Variants in ATP6V1C2 observed in about 807,000 individuals in gnomAD.
ATP6V1C2 encodes the protein V-type proton ATPase subunit C 2.
Under a neutral mutation model 56.8 loss-of-function variants are expected in ATP6V1C2, and 45 were observed. The ratio of observed to expected loss-of-function variants is 0.79; its 90% CI spans 0.62 to 1.02. ATP6V1C2 has a LOEUF of 1.02. Among genes scored for constraint, ATP6V1C2 ranks in the 50% least tolerant of loss-of-function variants. The pLI is 0.00. For missense variants in ATP6V1C2, 463 were observed against 519.7 expected (o/e 0.89, Z 1.06); for synonymous variants, 220 against 201.3 (o/e 1.09, Z -0.79).
intron 3 of ATP6V1C2, among the ~76,000 whole-genome samples, chr2:10,747,381 A>C (rs1662978235): frequency 6.6e-6 from 1 of 152,180 alleles, no homozygotes; most frequent in Non-Finnish European, 1.5e-5. Context: ...TCTCTTTCTG[A>C]ACTCTGAACT....
chr2:10,782,864 T>A (rs999884589), intron 13 of ATP6V1C2, among the ~76,000 whole-genome samples: 2 of 108,368 alleles, frequency 1.8e-5, no homozygotes, highest in East Asian at 6.2e-4. Context: ...AAAAAAAAAA[T>A]TTGCCAGGAG....
Position 10,784,457 on chromosome 2 carries a change from C to G in ATP6V1C2, c.*1194C>G. The G allele has an allele frequency of 1.6e-6, 1 of 636,216 alleles. No individual in the cohort carries two copies. The highest frequency in any genetic ancestry group is 2.7e-6 in the Non-Finnish European group (1 of 373,950). The allele number at this position is 636,216 out of a possible 1,614,324, so 39.4% of individuals were successfully genotyped here. ...AATCCAGGTTCTCCTCAGTCTGACT[C>G]CTACCCTGACCTTCGTACCTATGAT... On this transcript the variant is annotated 3_prime_UTR_variant, in exon 14 of 14. Coordinates refer to ENST00000272238, the MANE Select transcript of ATP6V1C2 (RefSeq NM_001039362.2).
chr2:10,745,498 A>G (rs115457808), intron 3 of ATP6V1C2, among the ~76,000 whole-genome samples: 3,979 of 147,454 alleles, frequency 0.027, 175 homozygotes, highest in African/African-American at 0.093. Flanking sequence ...GGGACTACAC[A>G]CCCTGGTAAT....
intron 10 of ATP6V1C2, among the ~76,000 whole-genome samples, chr2:10,776,371 G>A (rs540055837): frequency 1.2e-4 from 18 of 152,244 alleles, no homozygotes; most frequent in Non-Finnish European, 1.6e-4. Flanking sequence ...GCTGGGCTCC[G>A]GCTGAGCCTG....
rs777821433 is a variant in ATP6V1C2, at chr2:10,782,308, G to A, written c.1127G>A (p.Arg376His). 1.2e-5 allele frequency: 20 copies of A among 1,614,222 alleles called. 1 individual carries two copies. The highest frequency in any genetic ancestry group is 4.4e-5 in the South Asian group (4 of 91,088). The part of the protein sequence containing the change: ...LQPHKKSSTK[R>H]LREVLNSVFR... ...CCGCATAAGAAGTCATCCACCAAGC[G>A]TTTAAGAGAGGTTCTAAACTCTGTC... Residue 376 changes from arginine to histidine, a missense_variant, in exon 13 of 14, where the codon CGT (arginine) becomes CAT (histidine). Coordinates refer to ENST00000272238, the MANE Select transcript of ATP6V1C2 (RefSeq NM_001039362.2).
intron 2 of ATP6V1C2, among the ~76,000 whole-genome samples, chr2:10,726,058 C>A (rs926048624): frequency 6.6e-5 from 10 of 152,182 alleles, no homozygotes; most frequent in African/African-American, 2.4e-4. Flanking sequence ...CCAGCCTGGG[C>A]AACAAGAGCG....
intron 8 of ATP6V1C2, among the ~76,000 whole-genome samples, chr2:10,773,669 C>T (rs561285259): frequency 6.6e-6 from 1 of 152,302 alleles, no homozygotes; most frequent in South Asian, 2.1e-4. Context: ...ACGTGTGAGC[C>T]ACCACACCCA....
rs376503969 is a variant in ATP6V1C2 at position 10,782,305 on chromosome 2, A to G, written c.1124A>G (p.Lys375Arg). 66 of 1,614,102 alleles carry G rather than the reference A, an allele frequency of 4.1e-5. No homozygotes were observed. Among genetic ancestry groups the G allele is most frequent in the Admixed American group, 5.0e-5 (3 of 60,010 alleles). ...CAGCCGCATAAGAAGTCATCCACCA[A>G]GCGTTTAAGAGAGGTTCTAAACTCT... ...LLQPHKKSST[K>R]RLREVLNSVF... is the part of the protein sequence containing the mutation. Residue 375 changes from lysine to arginine, a missense_variant, in exon 13 of 14, where the codon AAG becomes AGG. Physicochemically the swap from Lys to Arg is conservative, Grantham distance 26. Coordinates refer to ENST00000272238, the MANE Select transcript of ATP6V1C2 (RefSeq NM_001039362.2).
chr2:10,726,894 A>G (rs1260505901), intron 3 of ATP6V1C2, among the ~76,000 whole-genome samples: 2 of 152,154 alleles, frequency 1.3e-5, no homozygotes, highest in Non-Finnish European at 2.9e-5. Flanking sequence ...TTTTAGTAAT[A>G]AATGCTCATA....
At chr2:10,742,298 T>C (rs1185242131) in intron 3 of ATP6V1C2, among the ~76,000 whole-genome samples, 3 of 152,172 alleles carry the variant, frequency 2.0e-5, no homozygotes, top group South Asian at 2.1e-4. Flanking sequence ...GCCTTCTCTT[T>C]GGTGTTGCAT....
At chr2:10,733,707 G>A (rs55855917) in intron 3 of ATP6V1C2, among the ~76,000 whole-genome samples, 35,833 of 151,844 alleles carry the variant, frequency 0.24, 4,419 homozygotes, top group South Asian at 0.45. Flanking sequence ...AGCCTGTTTT[G>A]CGGTGTTGAT....
intron 10 of ATP6V1C2, among the ~76,000 whole-genome samples, chr2:10,775,821 C>T (rs576683747): frequency 1.3e-5 from 2 of 152,108 alleles, no homozygotes; most frequent in African/African-American, 4.8e-5. Context: ...TTTTTGGGAC[C>T]CTTCTTCCTC....
In ATP6V1C2 at chr2:10,784,719, T is replaced by C. The variant is rs1374226045; in HGVS notation, c.*1456T>C. ...CAGGAAAGCAACCTTACTACTGAAATGTATCTTGGCTGTCAAGAGTATCAA... is the reference window on the plus strand; with the variant it reads ...CAGGAAAGCAACCTTACTACTGAAACGTATCTTGGCTGTCAAGAGTATCAA... On this transcript the variant is annotated 3_prime_UTR_variant, in exon 14 of 14. Coordinates refer to ENST00000272238, the MANE Select transcript of ATP6V1C2 (RefSeq NM_001039362.2). The C allele has an allele frequency of 1.8e-6, 1 of 551,572 alleles. No homozygotes were observed. Among genetic ancestry groups the C allele is most frequent in the African/African-American group, 1.9e-5 (1 of 52,740 alleles). 34.2% of individuals were successfully genotyped at this position (551,572 alleles called of 1,614,324 possible). A position where few individuals can be genotyped will look rare whatever the true frequency, so the allele number is the denominator to read the frequency against.
Position 10,726,500 on chromosome 2 carries a change from A to C in ATP6V1C2, c.130-2A>C. On this transcript the variant is annotated splice_acceptor_variant, in intron 2 of 13. Transcript: ENST00000272238. LOFTEE classifies it high-confidence loss of function. ...CCTCTGACGTTTTTATGATCTGTCT[A>C]GGTGGGGACCTTGGATTCCCTGGTT... 1 of 1,613,586 alleles carries C rather than the reference A, an allele frequency of 6.2e-7. No individual in the cohort carries two copies. The highest frequency in any genetic ancestry group is 8.5e-7 in the Non-Finnish European group (1 of 1,179,508).
chr2:10,783,083 G>T (rs1189138967), intron 13 of ATP6V1C2, 91 bp from the exon 14 acceptor site: 1 of 937,536 alleles, frequency 1.1e-6, no homozygotes, highest in Non-Finnish European at 1.7e-6. Context: ...CAGAACGTAC[G>T]CTCAGTGCCT....
chr2:10,723,020 AGG>A (rs762046882), intron 2 of ATP6V1C2, 42 bp downstream of exon 2: 7 of 1,609,208 alleles, frequency 4.3e-6, no homozygotes, highest in Non-Finnish European at 5.9e-6. Context: ...TGGATTGGTC[AGG>A]GGGAGACAGG....
chr2:10,760,030 G>GTTT (rs34096158), intron 4 of ATP6V1C2, among the ~76,000 whole-genome samples: 8 of 133,840 alleles, frequency 6.0e-5, no homozygotes, highest in East Asian at 4.2e-4. Context: ...TTTGTTTTTT[G>GTTT]TTTTTTTTTT....
At chr2:10,747,388 A>C (rs1572540892) in intron 3 of ATP6V1C2, among the ~76,000 whole-genome samples, 2 of 152,164 alleles carry the variant, frequency 1.3e-5, no homozygotes, top group East Asian at 3.8e-4. Context: ...CTGAACTCTG[A>C]ACTTCTTCAA....
chr2:10,783,008 A>C (rs1056832464), intron 13 of ATP6V1C2, among the ~76,000 whole-genome samples, 166 bp from the exon 14 acceptor site: 1 of 152,164 alleles, frequency 6.6e-6, no homozygotes, highest in Non-Finnish European at 1.5e-5. Context: ...ATGAAAATCT[A>C]CATGTCATAC....
Sources: allele counts gnomAD v4.1 joint callset (sites outside exome capture counted in the v4.1 genomes callset), GRCh38; gene constraint gnomAD v4.1.1; transcripts MANE v1.5; gene names NCBI Gene and HGNC (gene_info 2026-07-23, HGNC 2026-07-21).